Variants in ACTA2 observed in about 807,000 individuals in gnomAD.
ACTA2 encodes the protein actin, aortic smooth muscle.
A neutral mutation model predicts 39.5 loss-of-function variants in ACTA2; 12 were observed. That is an observed-to-expected ratio of 0.30 (90% CI 0.19 to 0.49). The LOEUF is 0.49. ACTA2 is among the 20% of genes least tolerant of loss of function. ACTA2 has a pLI of 0.99. For synonymous variants in ACTA2, 158 were observed against 180.6 expected (o/e 0.88, Z 1.00); for missense variants, 236 against 498.8 (o/e 0.47, Z 5.02).
In ACTA2 at chr10:88,990,431, C is replaced by T; in HGVS notation, c.-24+508G>A. Reference sequence around the variant, plus strand: ...GGAGGCCGGCTCTCGAGGTCCTCACCTGAAGTGAGCATGCCAGCCACTGCA... The same window carrying T: ...GGAGGCCGGCTCTCGAGGTCCTCACTTGAAGTGAGCATGCCAGCCACTGCA... On this transcript the variant is annotated intron_variant, in intron 1 of 4. Transcript: ENST00000415557. This position sits in a 1 kb window ranked among gnomAD's most constrained non-coding sequence, Gnocchi z 4.9. 1 of 485,126 alleles carries T rather than the reference C, an allele frequency of 2.1e-6. No individual in the cohort carries two copies. Among genetic ancestry groups the T allele is most frequent in the Non-Finnish European group, 4.0e-6 (1 of 251,728 alleles). The allele number at this position is 485,126 out of a possible 1,614,324, so 30.1% of individuals were successfully genotyped here.
chr10:88,967,619 G>A (rs778304680), intron 1 of ACTA2, among the ~76,000 whole-genome samples: 121 of 152,114 alleles, frequency 8.0e-4, no homozygotes, highest in Non-Finnish European at 1.5e-3. Context: ...ACCAAATCAG[G>A]TATCAGAGCC....
chr10:88,942,743 A>ATT (rs59310986), intron 4 of ACTA2, among the ~76,000 whole-genome samples: 6 of 144,056 alleles, frequency 4.2e-5, no homozygotes, highest in African/African-American at 1.0e-4. Flanking sequence ...ATTTCCAACC[A>ATT]TTTTTTTTTT....
chr10:88,948,484 TATAC>T, intron 2 of ACTA2: 1 of 338,410 alleles, frequency 3.0e-6, no homozygotes, highest in East Asian at 7.0e-5. Context: ...GTAGCTTTGG[TATAC>T]ATCAGGATAA....
rs1845715410 is a variant in ACTA2 at position 88,935,378 on chromosome 10, G to C, written c.991-12C>G. 6.2e-7 allele frequency: 1 copy of C among 1,613,456 alleles called. No individual in the cohort carries two copies. Among genetic ancestry groups the C allele is most frequent in the Non-Finnish European group, 8.5e-7 (1 of 1,179,562 alleles). ...GGAGGGGCAATGATCTGTCAGTCAA[G>C]ATGAAAAAGAATGGTCATTAATGTC... On this transcript the variant is annotated splice_polypyrimidine_tract_variant and intron_variant, in intron 8 of 8. Transcript: ENST00000224784.
intron 1 of ACTA2, among the ~76,000 whole-genome samples, chr10:88,987,047 CCT>C (rs1315206528): frequency 7.9e-5 from 12 of 152,134 alleles, no homozygotes; most frequent in Non-Finnish European, 1.6e-4. Flanking sequence ...AGATCTCCGT[CCT>C]CTCTCTTCCT....
chr10:88,961,841 A>G (rs372498857), intron 1 of ACTA2, among the ~76,000 whole-genome samples: 1 of 152,324 alleles, frequency 6.6e-6, no homozygotes, highest in South Asian at 2.1e-4. Context: ...TTTATTATTC[A>G]GTGAAAATCA....
intron 4 of ACTA2, among the ~76,000 whole-genome samples, chr10:88,942,391 G>T (rs1009022973): frequency 3.3e-5 from 5 of 152,176 alleles, no homozygotes; most frequent in Admixed American, 2.0e-4. Context: ...GCTAGGTTTA[G>T]CCCCATTTCT....
intron 1 of ACTA2, chr10:88,989,555 C>T: frequency 1.8e-6 from 1 of 542,222 alleles, no homozygotes; most frequent in South Asian, 1.4e-5. Flanking sequence ...CAGAGACAAG[C>T]CTATCAACAC....
chr10:88,936,107 A>G (rs1458868602), intron 8 of ACTA2, among the ~76,000 whole-genome samples: 1 of 152,236 alleles, frequency 6.6e-6, no homozygotes, highest in Non-Finnish European at 1.5e-5. Flanking sequence ...GCACTATGCT[A>G]AGCATTTTAC....
intron 1 of ACTA2, among the ~76,000 whole-genome samples, chr10:88,978,290 C>A (rs1274633356): frequency 6.9e-6 from 1 of 145,316 alleles, no homozygotes; most frequent in African/African-American, 2.6e-5. Flanking sequence ...GGGAGATATA[C>A]CTAATGCTAG....
chr10:88,939,931 G>A (rs924220938), intron 6 of ACTA2: 3 of 561,826 alleles, frequency 5.3e-6, no homozygotes. Flanking sequence ...TGCATTGTCT[G>A]GGAAATGCAT....
intron 1 of ACTA2, among the ~76,000 whole-genome samples, chr10:88,964,163 A>C (rs1020555802): frequency 6.6e-6 from 1 of 151,932 alleles, no homozygotes; most frequent in Non-Finnish European, 1.5e-5. Flanking sequence ...CATATTTTGC[A>C]TTGTATGGGA....
chr10:88,940,617 C>T lies in ACTA2; in HGVS notation c.616+612G>A, dbSNP rs142669498. ...ATGTTTCTGGCAATGCTGACACTTT[C>T]CTCTTGTGAAGGGAGGACTGGGTGC... On this transcript the variant is annotated intron_variant, in intron 6 of 8. Coordinates refer to ENST00000224784, the MANE Select transcript of ACTA2 (RefSeq NM_001613.4). 754 of 166,610 alleles carry T rather than the reference C, an allele frequency of 4.5e-3. 2 individuals carry two copies. Among genetic ancestry groups the T allele is most frequent in the Middle Eastern group, 0.019 (6 of 314 alleles). The allele number at this position is 166,610 out of a possible 1,614,324, so 10.3% of individuals were successfully genotyped here. A position where few individuals can be genotyped will look rare whatever the true frequency, so the allele number is the denominator to read the frequency against.
At chr10:88,985,370 T>C (rs1184492524) in intron 1 of ACTA2, among the ~76,000 whole-genome samples, 1 of 152,188 alleles carries the variant, frequency 6.6e-6, no homozygotes. Context: ...ATCAAAACTC[T>C]TTCTCCCCAT....
chr10:88,991,190 A>T, exon 1 of ACTA2: 1 of 570,760 alleles, frequency 1.8e-6, no homozygotes, highest in Non-Finnish European at 3.1e-6. Flanking sequence ...CGCTCCTCGG[A>T]GACCACTGCG....
chr10:88,978,891 A>G (rs1286147463), intron 1 of ACTA2, among the ~76,000 whole-genome samples: 2 of 151,334 alleles, frequency 1.3e-5, no homozygotes, highest in Admixed American at 6.6e-5. Context: ...TCTCTTCTCT[A>G]TTATTATTAT....
At chr10:88,946,800 T>C (rs1377723793) in intron 3 of ACTA2, 1 of 154,408 alleles carries the variant, frequency 6.5e-6, no homozygotes, top group African/African-American at 2.4e-5. Flanking sequence ...CGTGCAGGTT[T>C]GTTACATATG....
intron 1 of ACTA2, among the ~76,000 whole-genome samples, chr10:88,970,423 A>G (rs940275978): frequency 1.3e-5 from 2 of 152,110 alleles, no homozygotes; most frequent in Admixed American, 6.5e-5. Context: ...CCAGCTTCAT[A>G]GGAGCTTAGG....
intron 1 of ACTA2, among the ~76,000 whole-genome samples, chr10:88,977,237 C>G (rs1846585738): frequency 6.6e-6 from 1 of 151,498 alleles, no homozygotes. Flanking sequence ...AAGTCCTTGC[C>G]CATGCCTATG....
Sources: allele counts gnomAD v4.1 joint callset (sites outside exome capture counted in the v4.1 genomes callset), GRCh38; gene constraint gnomAD v4.1.1; non-coding constraint Gnocchi (gnomAD v3.1); transcripts MANE v1.5; gene names NCBI Gene and HGNC (gene_info 2026-07-23, HGNC 2026-07-21).